Variants in PANX1 observed in about 807,000 individuals in gnomAD.
PANX1 encodes pannexin-1.
A neutral mutation model predicts 38.7 loss-of-function variants in PANX1; 30 were observed. That is an observed-to-expected ratio of 0.78 (90% CI 0.58 to 1.05). PANX1 has a LOEUF of 1.05. Ranked by LOEUF, PANX1 falls within the 50% of genes least tolerant of loss-of-function variation. PANX1 has a pLI of 0.00. For missense variants in PANX1, 551 were observed against 517.2 expected, an observed-to-expected ratio of 1.07 and a Z score of -0.63; for synonymous variants, 230 against 212.2, an observed-to-expected ratio of 1.08 and a Z score of -0.73.
chr11:94,129,713 T>C (rs1456923674), intron 1 of PANX1, among the ~76,000 whole-genome samples: 1 of 152,216 alleles, frequency 6.6e-6, no homozygotes, highest in Non-Finnish European at 1.5e-5. Context: ...CTCAGTTCTT[T>C]TGTTCCTCAT....
intron 1 of PANX1, among the ~76,000 whole-genome samples, chr11:94,130,329 C>A (rs1364487478): frequency 6.6e-6 from 1 of 152,060 alleles, no homozygotes; most frequent in African/African-American, 2.4e-5. Flanking sequence ...GGGATTTGGA[C>A]AAGAAGGAGT....
rs754319845 is a variant in PANX1 at position 94,129,384 on chromosome 11, G to A, written c.72G>A (p.Lys24=). Residue 24 remains lysine, a synonymous_variant, in exon 1 of 5, where the codon AAG becomes AAA. Coordinates refer to ENST00000227638, the MANE Select transcript of PANX1 (RefSeq NM_015368.4). ...DFLLKEPTEP[K]FKGLRLELAV... The stretch of plus-strand genomic sequence containing the variant: ...TGCTGAAGGAGCCCACGGAGCCCAA[G>A]TTCAAGGGGCTGCGACTGGAGCTGG... The A allele has an allele frequency of 1.2e-6, 2 of 1,614,082 alleles. No homozygotes were observed. The highest frequency in any genetic ancestry group is 8.5e-7 in the Non-Finnish European group (1 of 1,179,958).
At chr11:94,133,805 C>T (rs1946657032) in intron 1 of PANX1, among the ~76,000 whole-genome samples, 2 of 152,176 alleles carry the variant, frequency 1.3e-5, no homozygotes. Context: ...CTCTTGTCTT[C>T]TACCATGTCT....
intron 2 of PANX1, among the ~76,000 whole-genome samples, chr11:94,177,222 C>T (rs1035201307): frequency 1.3e-5 from 2 of 150,520 alleles, no homozygotes; most frequent in African/African-American, 4.9e-5. Context: ...TAATGGTGTA[C>T]AGGAGAGAAT....
chr11:94,146,839 C>T (rs1476466838), intron 1 of PANX1, among the ~76,000 whole-genome samples: 1 of 152,174 alleles, frequency 6.6e-6, no homozygotes, highest in Non-Finnish European at 1.5e-5. Context: ...AAAACAGTTG[C>T]TATAAAGGCT....
intron 2 of PANX1, among the ~76,000 whole-genome samples, chr11:94,164,586 C>A (rs1011027345): frequency 2.6e-5 from 4 of 152,130 alleles, no homozygotes; most frequent in Admixed American, 2.0e-4. Context: ...TTTTTCGAGA[C>A]TTGTTTTGTG....
intron 1 of PANX1, among the ~76,000 whole-genome samples, chr11:94,139,147 A>G (rs1002507719): frequency 4.6e-5 from 7 of 152,198 alleles, no homozygotes; most frequent in African/African-American, 7.2e-5. Flanking sequence ...CCACTGGTCT[A>G]TTAATTTTCA....
At chr11:94,161,220 G>T (rs1438572562) in intron 2 of PANX1, among the ~76,000 whole-genome samples, 1 of 151,946 alleles carries the variant, frequency 6.6e-6, no homozygotes, top group East Asian at 1.9e-4. Flanking sequence ...TGCTCTTCTC[G>T]AGGAGTATCT....
intron 2 of PANX1, among the ~76,000 whole-genome samples, chr11:94,155,444 G>A (rs769735526): frequency 5.3e-5 from 8 of 151,882 alleles, no homozygotes; most frequent in Non-Finnish European, 7.4e-5. Flanking sequence ...AATGCGGGAG[G>A]TAGAGGTTGA....
intron 2 of PANX1, among the ~76,000 whole-genome samples, chr11:94,172,667 A>G (rs1430313027): frequency 1.3e-5 from 2 of 151,676 alleles, no homozygotes; most frequent in African/African-American, 4.9e-5. Context: ...AACCTGTAAT[A>G]TTTACTCTCT....
chr11:94,175,604 T>C (rs1020511595), intron 2 of PANX1: 1 of 273,322 alleles, frequency 3.7e-6, no homozygotes, highest in Non-Finnish European at 5.6e-6. Flanking sequence ...GAAAAAGTTT[T>C]CTCCCTGTGG....
intron 1 of PANX1, among the ~76,000 whole-genome samples, chr11:94,148,949 G>A (rs1946854683): frequency 6.6e-6 from 1 of 151,944 alleles, no homozygotes; most frequent in Non-Finnish European, 1.5e-5. Context: ...TTAAAAGGTA[G>A]AGAGAGCTGA....
intron 2 of PANX1, among the ~76,000 whole-genome samples, chr11:94,161,577 C>A (rs1353718929): frequency 6.6e-6 from 1 of 152,112 alleles, no homozygotes; most frequent in Non-Finnish European, 1.5e-5. Flanking sequence ...TCCATCAGGT[C>A]CTTTAAGGAC....
intron 2 of PANX1, among the ~76,000 whole-genome samples, chr11:94,168,478 G>C (rs1401584303): frequency 6.6e-6 from 1 of 150,900 alleles, no homozygotes; most frequent in Non-Finnish European, 1.5e-5. Flanking sequence ...CAGAGTGAGG[G>C]TTCTAATTAG....
At chr11:94,165,347 T>A (rs1373595861) in intron 2 of PANX1, among the ~76,000 whole-genome samples, 4 of 151,366 alleles carry the variant, frequency 2.6e-5, no homozygotes, top group East Asian at 1.9e-4. Context: ...TTTAATTTTT[T>A]AATTTTATTA....
At chr11:94,160,983 A>G (rs1249657104) in intron 2 of PANX1, among the ~76,000 whole-genome samples, 1 of 152,168 alleles carries the variant, frequency 6.6e-6, no homozygotes, top group Non-Finnish European at 1.5e-5. Context: ...TTCGCTTATG[A>G]AGCTTAGTTT....
intron 2 of PANX1, among the ~76,000 whole-genome samples, chr11:94,162,871 C>T (rs1464840526): frequency 6.5e-5 from 7 of 107,436 alleles, no homozygotes; most frequent in South Asian, 2.7e-4. Context: ...ACCAACCTCT[C>T]TTTTTTTTTT....
intron 1 of PANX1, among the ~76,000 whole-genome samples, chr11:94,137,281 C>T (rs1352527482): frequency 5.9e-5 from 9 of 151,998 alleles, no homozygotes; most frequent in East Asian, 1.9e-4. Context: ...TCCAGCCTGG[C>T]GACAGAGCGA....
Position 94,178,480 on chromosome 11 carries a change from G to T in PANX1, c.433G>T (p.Glu145Ter). 1 of 1,614,122 alleles carries T rather than the reference G, an allele frequency of 6.2e-7. No homozygotes were observed. The highest frequency in any genetic ancestry group is 8.5e-7 in the Non-Finnish European group (1 of 1,179,984). The change falls in exon 3 of 5, where the codon GAA becomes TAA. Residue 145 changes from glutamate (E) to a stop codon, truncating the protein, a stop_gained. Coordinates refer to ENST00000227638, the MANE Select transcript of PANX1 (RefSeq NM_015368.4). LOFTEE classifies it high-confidence loss of function. ...CTCAGACTTGAAGTTTATCATGGAA[G>T]AACTTGACAAAGTTTACAACCGTGC... Reference protein sequence around the residue: ...ICSDLKFIMEELDKVYNRAIK... With the variant: ...ICSDLKFIME
Sources: gnomAD v4.1 joint callset for allele counts (sites outside exome capture counted in the v4.1 genomes callset) on GRCh38, gnomAD v4.1.1 for gene constraint, MANE v1.5 for transcripts, NCBI Gene and HGNC (gene_info 2026-07-23, HGNC 2026-07-21) for gene names.